The following SGK1 variants were observed in gnomAD, a reference collection of about 807,000 sequenced individuals.
SGK1 encodes the protein serum/glucocorticoid regulated kinase 1.
In SGK1, 26 loss-of-function variants were observed where a neutral mutation model predicts 64.2. The ratio of observed to expected loss-of-function variants is 0.40; its 90% CI spans 0.30 to 0.56. The LOEUF (loss-of-function observed/expected upper bound fraction) is 0.56, where lower values mean the gene tolerates loss of function less well. Ranked by LOEUF, SGK1 falls within the 20% of genes least tolerant of loss-of-function variation. The probability of loss-of-function intolerance (pLI) is 0.38; values close to 1 mark genes in which losing one functional copy is unlikely to be tolerated. For synonymous variants in SGK1, 265 were observed against 239.7 expected (o/e 1.11, Z -0.98); for missense variants, 519 against 645.6 (o/e 0.80, Z 2.12).
intron 1 of SGK1, among the ~76,000 whole-genome samples, chr6:134,265,624 A>C (rs1168291756): frequency 1.5e-5 from 2 of 137,862 alleles, no homozygotes; most frequent in Non-Finnish European, 3.0e-5. Context: ...ATATACATAT[A>C]TATATATACA....
At chr6:134,265,488 A>C (rs113416408) in intron 1 of SGK1, among the ~76,000 whole-genome samples, 24,250 of 147,898 alleles carry the variant, frequency 0.16, 2,372 homozygotes, top group East Asian at 0.27. Flanking sequence ...AACAAACAAA[A>C]AAAATATATA....
chr6:134,192,262 G>T (rs1427897255), intron 3 of SGK1, among the ~76,000 whole-genome samples: 1 of 152,038 alleles, frequency 6.6e-6, no homozygotes, highest in East Asian at 1.9e-4. Flanking sequence ...ACCATGCCCG[G>T]CCTAAGAGCC....
chr6:134,241,040 CTTTTTTTCTTTTTT>C, intron 2 of SGK1, among the ~76,000 whole-genome samples: 1 of 131,356 alleles, frequency 7.6e-6, no homozygotes, highest in Non-Finnish European at 1.5e-5. Flanking sequence ...TGTTTCTTTT[CTTTTTTTCTTTTTT>C]TTTTTTTTTT....
chr6:134,305,766 C>A (rs909097845), intron 1 of SGK1, among the ~76,000 whole-genome samples: 8 of 152,040 alleles, frequency 5.3e-5, no homozygotes, highest in African/African-American at 1.7e-4. Context: ...CCCACCTCAG[C>A]CTCCCAAAGT....
At chr6:134,173,633 CGAT>C (rs2114636995) in intron 5 of SGK1, 67 bp from the exon 6 acceptor site, 1 of 1,101,028 alleles carries the variant, frequency 9.1e-7, no homozygotes, top group South Asian at 1.5e-5. Context: ...ATAACATAAA[CGAT>C]GTAGAAAATG....
chr6:134,229,364 G>A (rs1277184801), intron 2 of SGK1, among the ~76,000 whole-genome samples: 1 of 152,114 alleles, frequency 6.6e-6, no homozygotes, highest in Non-Finnish European at 1.5e-5. Context: ...AATTAAAAAA[G>A]AATAAGCCTG....
At chr6:134,298,242 C>G (rs1177257603) in intron 1 of SGK1, 20 of 1,578,792 alleles carry the variant, frequency 1.3e-5, no homozygotes, top group Admixed American at 1.7e-5. Context: ...GGCCCCGAGT[C>G]TCCAGCTGCC....
intron 1 of SGK1, among the ~76,000 whole-genome samples, chr6:134,285,645 T>C (rs1181329055): frequency 6.6e-6 from 1 of 152,118 alleles, no homozygotes; most frequent in African/African-American, 2.4e-5. Flanking sequence ...AGCATTTTTT[T>C]CATATGTTTG....
chr6:134,183,216 A>C (rs1775358096), intron 3 of SGK1, among the ~76,000 whole-genome samples: 1 of 152,208 alleles, frequency 6.6e-6, no homozygotes, highest in Admixed American at 6.5e-5. Context: ...GTAACATGGT[A>C]TTTTGAAACA....
intron 2 of SGK1, among the ~76,000 whole-genome samples, chr6:134,225,295 G>A (rs1447375262): frequency 1.0e-4 from 15 of 148,874 alleles, no homozygotes; most frequent in African/African-American, 3.8e-4. Flanking sequence ...AGGCTGCAGT[G>A]AGCTGAGATC....
intron 1 of SGK1, among the ~76,000 whole-genome samples, chr6:134,289,599 T>G (rs1777233045): frequency 6.6e-6 from 1 of 152,210 alleles, no homozygotes; most frequent in African/African-American, 2.4e-5. Flanking sequence ...ATATTTTATA[T>G]TCTCTTTTTT....
chr6:134,217,441 C>G (rs945579764), intron 2 of SGK1, among the ~76,000 whole-genome samples: 3 of 152,118 alleles, frequency 2.0e-5, no homozygotes, highest in African/African-American at 7.2e-5. Flanking sequence ...CATCTCTGAC[C>G]CACCGGACCA....
At chr6:134,188,281 A>G (rs1239192654) in intron 3 of SGK1, among the ~76,000 whole-genome samples, 1 of 151,560 alleles carries the variant, frequency 6.6e-6, no homozygotes, top group African/African-American at 2.4e-5. Flanking sequence ...TTTCTTTGTC[A>G]CCAATTTTCC....
In SGK1 at chr6:134,299,709, A is replaced by G. The variant is rs567012822; in HGVS notation, c.69+17683T>C. Among the ~76,000 whole-genome samples, 3 of 152,282 alleles carry G rather than the reference A, an allele frequency of 2.0e-5. No individual in the cohort carries two copies. The South Asian group carries it at 6.2e-4, about 32-fold the overall frequency. On this transcript the variant is annotated intron_variant, in intron 1 of 13. Transcript: ENST00000367858. ...AAAAAAAAAGATTTCCAATGTGGAAATACTCAATGTTTGGATATGCCTGTT... is the reference window on the plus strand; with the variant it reads ...AAAAAAAAAGATTTCCAATGTGGAAGTACTCAATGTTTGGATATGCCTGTT...
At chr6:134,280,157 T>C (rs1777072167) in intron 1 of SGK1, among the ~76,000 whole-genome samples, 1 of 148,846 alleles carries the variant, frequency 6.7e-6, no homozygotes, top group Admixed American at 6.8e-5. Context: ...ATCATGCCAT[T>C]GCACTCCAGC....
chr6:134,298,869 C>T (rs187671292), intron 1 of SGK1, among the ~76,000 whole-genome samples: 446 of 151,886 alleles, frequency 2.9e-3, no homozygotes, highest in Non-Finnish European at 4.8e-3. Context: ...GGCTCAATCT[C>T]GGCTCACTGC....
At chr6:134,211,083 C>T (rs1000813878) in intron 2 of SGK1, among the ~76,000 whole-genome samples, 1 of 150,156 alleles carries the variant, frequency 6.7e-6, no homozygotes, top group African/African-American at 2.5e-5. Context: ...CAAGATTGTG[C>T]CACTGCACTC....
intron 2 of SGK1, among the ~76,000 whole-genome samples, chr6:134,251,403 A>T (rs1776603869): frequency 1.3e-5 from 2 of 152,282 alleles, no homozygotes; most frequent in South Asian, 4.1e-4. Context: ...TCTGGGAAGG[A>T]TTTTACTAAA....
At chr6:134,302,705 A>C (rs939875619) in intron 1 of SGK1, among the ~76,000 whole-genome samples, 4 of 152,156 alleles carry the variant, frequency 2.6e-5, no homozygotes, top group African/African-American at 9.7e-5. Context: ...TACATGCGTT[A>C]GGTCATTTAA....
Sources: allele counts gnomAD v4.1 joint callset (sites outside exome capture counted in the v4.1 genomes callset), GRCh38; gene constraint gnomAD v4.1.1; transcripts MANE v1.5; gene names NCBI Gene and HGNC (gene_info 2026-07-23, HGNC 2026-07-21).